The following COMT variants were observed in gnomAD, a reference collection of about 807,000 sequenced individuals.
COMT encodes catechol-O-methyltransferase.
In COMT, 13 loss-of-function variants were observed where a neutral mutation model predicts 18.9. That is an observed-to-expected ratio of 0.69 (90% CI 0.45 to 1.09). COMT has a LOEUF of 1.09. COMT is among the 50% of genes least tolerant of loss of function. The pLI is 0.00. For synonymous variants in COMT, 150 were observed against 160.9 expected, an observed-to-expected ratio of 0.93 and a Z score of 0.51; for missense variants, 329 against 361.8, an observed-to-expected ratio of 0.91 and a Z score of 0.73.
At position 19,969,724 on chromosome 22, in the gene COMT, C is replaced by G. The variant is rs1191232468; in HGVS notation, c.*988C>G. Reference sequence around the variant, plus strand: ...CTATGGATAGACAGACCAGTGAGCCCAAGTGGACAAGTTTGGGGCCACCCA... The same window carrying G: ...CTATGGATAGACAGACCAGTGAGCCGAAGTGGACAAGTTTGGGGCCACCCA... On this transcript the variant is annotated 3_prime_UTR_variant, in exon 6 of 6. Coordinates refer to ENST00000361682, the MANE Select transcript of COMT (RefSeq NM_000754.4). 3 of 607,324 alleles carry G rather than the reference C, an allele frequency of 4.9e-6. No homozygotes were observed. The highest frequency in any genetic ancestry group is 6.2e-6 in the Non-Finnish European group (3 of 485,024). The allele number at this position is 607,324 out of a possible 1,614,324, so 37.6% of individuals were successfully genotyped here.
Position 19,963,750 on chromosome 22 carries a change from G to T in COMT, c.474G>T (p.Val158=), listed in dbSNP as rs755245483. Residue 158 remains valine (V), a synonymous_variant, in exon 4 of 6, where the codon GTG becomes GTT. Transcript: ENST00000361682. ...AGCGGATGGTGGATTTCGCTGGCGT[G>T]AAGGACAAGGTGTGCATGCCTGACC... is the stretch of plus-strand genomic sequence containing the variant. ...ITQRMVDFAG[V]KDKVTLVVGA... 1.2e-6 allele frequency: 2 copies of T among 1,610,498 alleles called. No homozygotes were observed. The highest frequency in any genetic ancestry group is 8.5e-7 in the Non-Finnish European group (1 of 1,179,624).
Position 19,968,535 on chromosome 22 carries a change from G to A in COMT, c.616-1G>A, listed in dbSNP as rs754435205. On this transcript the variant is annotated splice_acceptor_variant, in intron 5 of 5. Transcript: ENST00000361682. LOFTEE classifies it high-confidence loss of function. ...TCCCCCACCCCCCGGTCTGTTTGCA[G>A]GAATGTGGCCTGCTGCGGAAGGGGA... 3 of 1,613,796 alleles carry A rather than the reference G, an allele frequency of 1.9e-6. No individual in the cohort carries two copies. The highest frequency in any genetic ancestry group is 1.7e-5 in the Admixed American group (1 of 60,000).
chr22:19,954,715 A>G, intron 1 of COMT, among the ~76,000 whole-genome samples: 1 of 152,072 alleles, frequency 6.6e-6, no homozygotes, highest in East Asian at 1.9e-4. Flanking sequence ...AGCCTCCCAA[A>G]ATGCTGGGAT....
chr22:19,953,073 G>A (rs748066848), intron 1 of COMT, among the ~76,000 whole-genome samples: 15 of 152,214 alleles, frequency 9.9e-5, no homozygotes, highest in African/African-American at 2.9e-4. Flanking sequence ...AGGCTCAGCC[G>A]AGAAACGTGC....
intron 5 of COMT, chr22:19,964,792 G>T (rs1457343047): frequency 8.5e-6 from 3 of 354,136 alleles, no homozygotes; most frequent in Non-Finnish European, 1.6e-5. Context: ...CCCCGAGTGA[G>T]GCTAGACAGC....
intron 1 of COMT, among the ~76,000 whole-genome samples, chr22:19,956,387 T>C (rs952277686): frequency 5.1e-5 from 7 of 137,626 alleles, no homozygotes; most frequent in Middle Eastern, 3.5e-3. Context: ...TTTTTTTTTT[T>C]TTTTTTTGAG....
intron 1 of COMT, among the ~76,000 whole-genome samples, chr22:19,958,249 C>T (rs115957127): frequency 0.016 from 2,381 of 150,706 alleles, 76 homozygotes; most frequent in African/African-American, 0.055. Flanking sequence ...TGTGCAGCCT[C>T]AACCTCCTGG....
rs1942226120 is a variant in COMT at position 19,962,754 on chromosome 22, G to A, written c.228G>A (p.Leu76=). The A allele has an allele frequency of 6.2e-7, 1 of 1,613,138 alleles. No individual in the cohort carries two copies. The highest frequency in any genetic ancestry group is 8.5e-7 in the Non-Finnish European group (1 of 1,179,562). Reference sequence around the variant, plus strand: ...AGCCCGGGAACGCACAGAGCGTGCTGGAGGCCATTGACACCTACTGCGAGC... The same window carrying A: ...AGCCCGGGAACGCACAGAGCGTGCTAGAGGCCATTGACACCTACTGCGAGC... ...HAEPGNAQSV[L]EAIDTYCEQK... is the part of the protein sequence containing the mutation. The change falls in exon 3 of 6, where the codon CTG becomes CTA. Residue 76 remains leucine, a synonymous_variant. Coordinates refer to ENST00000361682, the MANE Select transcript of COMT (RefSeq NM_000754.4).
chr22:19,947,426 G>A lies in COMT; in HGVS notation c.-92+5529G>A, dbSNP rs545892924. ...GTAGTGGCCCCGAATGCCAGGCTGC[G>A]CTGTTATTTATTGGATACAAGACAA... On this transcript the variant is annotated intron_variant, in intron 1 of 5. Coordinates refer to ENST00000361682, the MANE Select transcript of COMT (RefSeq NM_000754.4). Among the ~76,000 whole-genome samples the A allele has an allele frequency of 1.2e-3, 186 of 151,608 alleles. 2 individuals carry two copies. The highest frequency in any genetic ancestry group is 4.3e-3 in the African/African-American group (176 of 41,352).
chr22:19,950,884 T>A (rs545562362), intron 1 of COMT: 3 of 152,264 alleles, frequency 2.0e-5, no homozygotes, highest in African/African-American at 7.2e-5. Context: ...TTTGTTTTGA[T>A]GTGCTGATTA....
intron 4 of COMT, 51 bp from the exon 5 acceptor site, chr22:19,964,117 G>T (rs1387519472): frequency 6.2e-7 from 1 of 1,613,650 alleles, no homozygotes; most frequent in Admixed American, 1.7e-5. Flanking sequence ...TAGGTGTGTA[G>T]GGATGGCCTC....
In COMT at chr22:19,963,564, A is replaced by C. The variant is rs1468436196; in HGVS notation, c.290-2A>C. The C allele has an allele frequency of 6.2e-7, 1 of 1,611,800 alleles. No individual in the cohort carries two copies. Among genetic ancestry groups the C allele is most frequent in the South Asian group, 1.1e-5 (1 of 91,072 alleles). On this transcript the variant is annotated splice_acceptor_variant, in intron 3 of 5. Transcript: ENST00000361682. LOFTEE classifies it high-confidence loss of function. ...CTCTCCTCCGTCCCCAACCCTGCAC[A>C]GGCAAGATCGTGGACGCCGTGATTC...
At chr22:19,947,306 G>A (rs189109050) in intron 1 of COMT, among the ~76,000 whole-genome samples, 20 of 152,324 alleles carry the variant, frequency 1.3e-4, no homozygotes, top group African/African-American at 4.8e-4. Context: ...CCCGTGTGCA[G>A]AGATGAGAGA....
rs1601501125 is a variant in COMT at position 19,941,798 on chromosome 22, C to A, written c.-191C>A. On this transcript the variant is annotated 5_prime_UTR_variant, in exon 1 of 6. Coordinates refer to ENST00000361682, the MANE Select transcript of COMT (RefSeq NM_000754.4). ...ATCCCCGCAGCGCCACCGCCATTGC[C>A]GCCATCGTCGTGGGGCTTCTGGGGC... is the stretch of plus-strand genomic sequence containing the variant. 6.5e-7 allele frequency: 1 copy of A among 1,535,126 alleles called. No homozygotes were observed. The highest frequency in any genetic ancestry group is 2.2e-4 in the Middle Eastern group (1 of 4,486).
At position 19,963,691 on chromosome 22, in the gene COMT, A is replaced by G. The variant is rs749544037; in HGVS notation, c.415A>G (p.Ile139Val). Residue 139 changes from isoleucine to valine, a missense_variant, in exon 4 of 6, where the codon ATC (isoleucine) becomes GTC (valine). Coordinates refer to ENST00000361682, the MANE Select transcript of COMT (RefSeq NM_000754.4). ...LLSPGARLITIEINPDCAAIT... is the reference protein window; with the variant it reads ...LLSPGARLITVEINPDCAAIT... ...GTCACCAGGGGCGAGGCTCATCACC[A>G]TCGAGATCAACCCCGACTGTGCCGC... 3.1e-6 allele frequency: 5 copies of G among 1,612,820 alleles called. No individual in the cohort carries two copies. The East Asian group carries it at 1.1e-4, about 36-fold the overall frequency.
chr22:19,967,161 C>T, intron 5 of COMT: 9 of 1,302,992 alleles, frequency 6.9e-6, no homozygotes, highest in Non-Finnish European at 9.1e-6. Context: ...TTAACTCGTG[C>T]AGGTGCAGTG....
intron 3 of COMT, 90 bp from the exon 4 acceptor site, chr22:19,963,476 C>T: frequency 1.4e-6 from 2 of 1,480,362 alleles, no homozygotes; most frequent in Admixed American, 1.8e-5. Context: ...GGCTCCTGCT[C>T]TTTGGGAGAG....
chr22:19,963,886 C>T (rs1942268283), intron 4 of COMT, 127 bp downstream of exon 4: 1 of 1,285,980 alleles, frequency 7.8e-7, no homozygotes, highest in Admixed American at 2.0e-5. Context: ...ATCACCAGGC[C>T]CCTCAGTGCT....
intron 1 of COMT, among the ~76,000 whole-genome samples, chr22:19,951,351 T>C (rs1399181844): frequency 3.4e-5 from 3 of 88,066 alleles, no homozygotes; most frequent in Non-Finnish European, 4.8e-5. Context: ...AGAGCAAGAC[T>C]CTGTCCCAAA....
Sources: allele counts gnomAD v4.1 joint callset (sites outside exome capture counted in the v4.1 genomes callset), GRCh38; gene constraint gnomAD v4.1.1; transcripts MANE v1.5; gene names NCBI Gene and HGNC (gene_info 2026-07-23, HGNC 2026-07-21).